Variants in PTPRD observed in about 807,000 individuals in gnomAD.
PTPRD encodes receptor-type tyrosine-protein phosphatase delta.
In PTPRD, 34 loss-of-function variants were observed where a neutral mutation model predicts 214.5. The ratio of observed to expected loss-of-function variants is 0.16; its 90% CI spans 0.12 to 0.21. PTPRD has a LOEUF of 0.21. PTPRD is among the 10% of genes least tolerant of loss of function. The pLI is 1.00. For synonymous variants in PTPRD, 1,128 were observed against 845.7 expected (o/e 1.33, Z -5.79); for missense variants, 2,545 against 2,398.7 (o/e 1.06, Z -1.27).
chr9:8,391,743 AG>A, intron 36 of PTPRD, among the ~76,000 whole-genome samples: 1 of 152,298 alleles, frequency 6.6e-6, no homozygotes, highest in South Asian at 2.1e-4. Context: ...TAAATGACTC[AG>A]AAGATTCATC....
chr9:9,044,096 T>G (rs377156), intron 10 of PTPRD, among the ~76,000 whole-genome samples: 125,781 of 151,992 alleles, frequency 0.83, 54,896 homozygotes, highest in East Asian at 1. Flanking sequence ...ACCTTAAACT[T>G]CCACAAAGAC....
chr9:8,828,330 C>A (rs1389771624), intron 11 of PTPRD, among the ~76,000 whole-genome samples: 11 of 152,122 alleles, frequency 7.2e-5, no homozygotes, highest in Admixed American at 7.2e-4. Context: ...GAGGGTGGAT[C>A]CCTTGTGAAC....
At chr9:8,913,205 A>G (rs1029674754) in intron 11 of PTPRD, among the ~76,000 whole-genome samples, 5 of 152,146 alleles carry the variant, frequency 3.3e-5, no homozygotes, top group African/African-American at 1.2e-4. Flanking sequence ...TGTGTTTGCA[A>G]TAATTGGCAA....
At chr9:10,370,832 G>C (rs2097597643) in intron 2 of PTPRD, among the ~76,000 whole-genome samples, 1 of 151,778 alleles carries the variant, frequency 6.6e-6, no homozygotes, top group South Asian at 2.1e-4. Flanking sequence ...CTTCTCTCCT[G>C]AGATCACAGA....
At chr9:8,496,764 C>T (rs2097283413) in intron 26 of PTPRD, among the ~76,000 whole-genome samples, 1 of 152,192 alleles carries the variant, frequency 6.6e-6, no homozygotes, top group South Asian at 2.1e-4. Context: ...TCTGCAATGC[C>T]TTCATTTAAA....
chr9:9,264,986 T>A (rs1938532902), intron 9 of PTPRD, among the ~76,000 whole-genome samples: 1 of 150,506 alleles, frequency 6.6e-6, no homozygotes, highest in Non-Finnish European at 1.5e-5. Flanking sequence ...CACAGACAAA[T>A]AAAAGCTAAG....
chr9:8,399,096 CTTTT>C (rs371669292), intron 36 of PTPRD, among the ~76,000 whole-genome samples: 3 of 137,738 alleles, frequency 2.2e-5, no homozygotes, highest in Admixed American at 7.2e-5. Context: ...GCCCACTAAG[CTTTT>C]TTTTTTTTTT....
chr9:9,321,115 A>G (rs1269822564), intron 9 of PTPRD, among the ~76,000 whole-genome samples: 1 of 152,206 alleles, frequency 6.6e-6, no homozygotes, highest in African/African-American at 2.4e-5. Context: ...TGCATTAGGT[A>G]TCTTCTTGTA....
At chr9:8,631,634 C>T (rs1271293754) in intron 14 of PTPRD, among the ~76,000 whole-genome samples, 17 of 151,778 alleles carry the variant, frequency 1.1e-4, no homozygotes, top group Non-Finnish European at 5.9e-5. Context: ...GGAAATCTCA[C>T]TTGTATGCAG....
chr9:9,810,368 C>T (rs1008683988), intron 5 of PTPRD, among the ~76,000 whole-genome samples: 6 of 151,962 alleles, frequency 3.9e-5, no homozygotes, highest in African/African-American at 1.2e-4. Flanking sequence ...GACGTCAATA[C>T]CTGGCTTCAA....
intron 5 of PTPRD, among the ~76,000 whole-genome samples, chr9:9,835,302 T>C (rs917989976): frequency 3.9e-5 from 6 of 152,118 alleles, no homozygotes; most frequent in Non-Finnish European, 8.8e-5. Context: ...GACTTTTTTT[T>C]ACATTTTGGA....
chr9:9,125,465 G>A (rs1457311219), intron 10 of PTPRD, among the ~76,000 whole-genome samples: 7 of 152,034 alleles, frequency 4.6e-5, no homozygotes, highest in Non-Finnish European at 8.8e-5. Context: ...CTTACCTCTC[G>A]GTTAGCATTT....
chr9:9,723,901 A>G (rs1425460541), intron 7 of PTPRD, among the ~76,000 whole-genome samples: 2 of 152,078 alleles, frequency 1.3e-5, no homozygotes, highest in African/African-American at 2.4e-5. Flanking sequence ...TCTGATATAT[A>G]TTTAAGTAGA....
intron 11 of PTPRD, chr9:8,857,528 G>A (rs76240233): frequency 0.088 from 13,365 of 152,334 alleles, 773 homozygotes; most frequent in East Asian, 0.19. Flanking sequence ...ACGCGAGCGT[G>A]TCGCTCTGGC....
chr9:8,412,806 T>C (rs1043638207), intron 35 of PTPRD, among the ~76,000 whole-genome samples: 4 of 152,186 alleles, frequency 2.6e-5, no homozygotes, highest in African/African-American at 9.6e-5. Flanking sequence ...AACATGCCCA[T>C]CTATGTAATT....
chr9:10,544,414 TG>T (rs1464581947), intron 2 of PTPRD, among the ~76,000 whole-genome samples: 1 of 152,066 alleles, frequency 6.6e-6, no homozygotes, highest in Admixed American at 6.5e-5. Context: ...TTTTCATTGT[TG>T]CTTTTTTCTT....
intron 8 of PTPRD, among the ~76,000 whole-genome samples, chr9:9,514,222 G>A (rs1172434098): frequency 6.6e-6 from 1 of 151,948 alleles, no homozygotes; most frequent in Non-Finnish European, 1.5e-5. Context: ...TCCTGGTTAG[G>A]GCTCTGCATC....
intron 2 of PTPRD, among the ~76,000 whole-genome samples, chr9:10,539,304 C>T (rs1471900577): frequency 6.6e-6 from 1 of 152,172 alleles, no homozygotes; most frequent in African/African-American, 2.4e-5. Context: ...CCCACATCAG[C>T]CTCCCAAGTA....
rs568686560 is a variant in PTPRD, at chr9:10,059,254, G to T, written c.-544-25464C>A. On this transcript the variant is annotated intron_variant, in intron 3 of 45. Coordinates refer to ENST00000381196, the MANE Select transcript of PTPRD (RefSeq NM_002839.4). Reference sequence around the variant, plus strand: ...CATGTTCTTCACATACTCCTGCTCAGCAGTTCAGCCAATATTTACAACTTC... The same window carrying T: ...CATGTTCTTCACATACTCCTGCTCATCAGTTCAGCCAATATTTACAACTTC... Among the ~76,000 whole-genome samples, 117 of 152,220 alleles carry T rather than the reference G, an allele frequency of 7.7e-4. 1 individual carries two copies. The highest frequency in any genetic ancestry group is 6.8e-3 in the Middle Eastern group (2 of 294).
Sources: gnomAD v4.1 joint callset for allele counts (sites outside exome capture counted in the v4.1 genomes callset) on GRCh38, gnomAD v4.1.1 for gene constraint, MANE v1.5 for transcripts, NCBI Gene and HGNC (gene_info 2026-07-23, HGNC 2026-07-21) for gene names.